The following TSC22D1 variants were observed in gnomAD, a reference collection of about 807,000 sequenced individuals.
TSC22D1 encodes TSC22 domain family protein 1.
In TSC22D1, 9 loss-of-function variants were observed where a neutral mutation model predicts 74.2. The observed-to-expected ratio is 0.12, with a 90% CI of 0.07 to 0.21. The LOEUF is 0.21. TSC22D1 is among the 10% of genes least tolerant of loss of function. The pLI is 1.00. For missense variants in TSC22D1, 1,427 were observed against 1,304.7 expected (o/e 1.09, Z -1.44); for synonymous variants, 586 against 492.5 (o/e 1.19, Z -2.51).
At chr13:44,453,573 A>G (rs777363091) in intron 1 of TSC22D1, among the ~76,000 whole-genome samples, 26 of 152,242 alleles carry the variant, frequency 1.7e-4, no homozygotes, top group Non-Finnish European at 2.9e-4. Context: ...CCAAGGAGAC[A>G]TATGTTTAAC....
intron 1 of TSC22D1, among the ~76,000 whole-genome samples, chr13:44,510,575 G>A (rs1879669960): frequency 6.6e-6 from 1 of 152,064 alleles, no homozygotes; most frequent in African/African-American, 2.4e-5. Context: ...ATAAAGCTCT[G>A]GTACAGCCAT....
chr13:44,454,230 A>AT (rs576012439), intron 1 of TSC22D1, among the ~76,000 whole-genome samples: 58 of 152,192 alleles, frequency 3.8e-4, no homozygotes, highest in Non-Finnish European at 4.4e-4. Context: ...AAGACCAGTT[A>AT]TGTTATATGA....
Position 44,435,890 on chromosome 13 carries a change from C to T in TSC22D1, c.2964+154G>A. 9 of 809,224 alleles carry T rather than the reference C, an allele frequency of 1.1e-5. No individual in the cohort carries two copies. In the South Asian group the frequency reaches 1.4e-4, roughly 12 times the overall value. The allele number at this position is 809,224 out of a possible 1,614,324, so 50.1% of individuals were successfully genotyped here. ...CCTCCACGGCTGCCGTGGTAGGTGG[C>T]TCCACGCTGGCCGAATGGAGACAGC... On this transcript the variant is annotated intron_variant, in intron 2 of 2. Transcript: ENST00000458659.
intron 1 of TSC22D1, chr13:44,436,416 C>G: frequency 2.0e-6 from 3 of 1,483,524 alleles, no homozygotes; most frequent in Admixed American, 2.0e-5. Context: ...CAGCAATGGA[C>G]AAAGGAATTC....
chr13:44,500,029 G>A (rs897305126), intron 1 of TSC22D1, among the ~76,000 whole-genome samples: 2 of 151,272 alleles, frequency 1.3e-5, no homozygotes, highest in African/African-American at 4.9e-5. Flanking sequence ...GGAGGTTGCA[G>A]TGAGCTGAGA....
chr13:44,459,072 G>A (rs181865288), intron 1 of TSC22D1, among the ~76,000 whole-genome samples: 41 of 152,288 alleles, frequency 2.7e-4, no homozygotes, highest in Non-Finnish European at 5.4e-4. Context: ...TGGAGTCCGT[G>A]GGATGGCAGT....
chr13:44,528,145 G>C (rs1251608346), intron 1 of TSC22D1, among the ~76,000 whole-genome samples: 1 of 152,056 alleles, frequency 6.6e-6, no homozygotes. Flanking sequence ...CCAGAAGGCA[G>C]AAAATCGGTA....
intron 1 of TSC22D1, among the ~76,000 whole-genome samples, chr13:44,519,115 G>A (rs1880187180): frequency 6.6e-6 from 1 of 152,140 alleles, no homozygotes; most frequent in Admixed American, 6.5e-5. Context: ...GGGGCTGGGA[G>A]AGGATGTTAT....
At chr13:44,505,867 T>C (rs1420721145) in intron 1 of TSC22D1, among the ~76,000 whole-genome samples, 2 of 152,222 alleles carry the variant, frequency 1.3e-5, no homozygotes, top group African/African-American at 4.8e-5. Flanking sequence ...GAAATCTTTT[T>C]TAACATGTAA....
chr13:44,556,315 G>A (rs1280079136), intron 1 of TSC22D1, among the ~76,000 whole-genome samples: 6 of 151,754 alleles, frequency 4.0e-5, no homozygotes, highest in Non-Finnish European at 8.8e-5. Flanking sequence ...GGGAGGCCAA[G>A]GCAGATGGAT....
intron 1 of TSC22D1, among the ~76,000 whole-genome samples, chr13:44,521,763 G>A (rs76305010): frequency 0.027 from 4,053 of 150,962 alleles, 77 homozygotes; most frequent in Middle Eastern, 0.057. Flanking sequence ...GGAAGAATCC[G>A]AAAGATTTTT....
Position 44,433,895 on chromosome 13 carries a change from G to A in TSC22D1, c.*731C>T, listed in dbSNP as rs1874272444. 1 of 1,322,308 alleles carries A rather than the reference G, an allele frequency of 7.6e-7. No individual in the cohort carries two copies. The highest frequency in any genetic ancestry group is 1.0e-6 in the Non-Finnish European group (1 of 994,106). The allele number at this position is 1,322,308 out of a possible 1,614,324, so 81.9% of individuals were successfully genotyped here. ...GTCCACACCTCCTCAGACAGCCAAT[G>A]AAACAACTAAATTTCAATCTGTACA... is the stretch of plus-strand genomic sequence containing the variant. On this transcript the variant is annotated 3_prime_UTR_variant, in exon 3 of 3. Coordinates refer to ENST00000458659, the MANE Select transcript of TSC22D1 (RefSeq NM_183422.4).
At chr13:44,504,693 G>C (rs1879368763) in intron 1 of TSC22D1, among the ~76,000 whole-genome samples, 1 of 151,248 alleles carries the variant, frequency 6.6e-6, no homozygotes, top group African/African-American at 2.4e-5. Flanking sequence ...TTCATTTCTT[G>C]AAAATCATAA....
intron 1 of TSC22D1, among the ~76,000 whole-genome samples, chr13:44,496,660 G>C (rs1484337943): frequency 1.3e-5 from 2 of 151,918 alleles, no homozygotes; most frequent in African/African-American, 4.8e-5. Flanking sequence ...ATTCCAGCCT[G>C]GGCAACAAAA....
At chr13:44,527,863 A>G (rs924240223) in intron 1 of TSC22D1, among the ~76,000 whole-genome samples, 2 of 152,134 alleles carry the variant, frequency 1.3e-5, no homozygotes, top group African/African-American at 2.4e-5. Context: ...AGGGACAGAT[A>G]TGCTATGCTA....
upstream of TSC22D1, chr13:44,577,226 C>G (rs1884308657): frequency 6.8e-6 from 1 of 146,930 alleles, no homozygotes; most frequent in Non-Finnish European, 1.5e-5. Context: ...GAGTGGGTGC[C>G]GAGGGAGGGT....
rs746391369 is a variant in TSC22D1 at position 44,575,958 on chromosome 13, A to G, written c.117T>C (p.Ser39=). The change falls in exon 1 of 3, where the codon TCT becomes TCC. Residue 39 remains serine, a synonymous_variant. Transcript: ENST00000458659. Reference sequence around the variant, plus strand: ...CGCCGGTACCTGCTGCATTGAGAGCAGAGGCGCTGCCACTACCGCTGCCCC... The same window carrying G: ...CGCCGGTACCTGCTGCATTGAGAGCGGAGGCGCTGCCACTACCGCTGCCCC... The part of the protein sequence containing the change: ...PRRGSGSGSA[S]ALNAAGTGVG... 6.2e-7 allele frequency: 1 copy of G among 1,608,010 alleles called. No homozygotes were observed. The highest frequency in any genetic ancestry group is 2.2e-5 in the East Asian group (1 of 44,674).
At chr13:44,476,078 CCA>C (rs1595104829) in intron 1 of TSC22D1, among the ~76,000 whole-genome samples, 1 of 152,122 alleles carries the variant, frequency 6.6e-6, no homozygotes, top group South Asian at 2.1e-4. Context: ...CACTGGTATC[CCA>C]CATTAGGTGG....
intron 1 of TSC22D1, among the ~76,000 whole-genome samples, chr13:44,571,373 T>C (rs537794949): frequency 6.6e-6 from 1 of 152,292 alleles, no homozygotes; most frequent in Non-Finnish European, 1.5e-5. Context: ...AAAACTCTAG[T>C]TGAAAGTAGC....
Sources: gnomAD v4.1 joint callset for allele counts (sites outside exome capture counted in the v4.1 genomes callset) on GRCh38, gnomAD v4.1.1 for gene constraint, MANE v1.5 for transcripts, NCBI Gene and HGNC (gene_info 2026-07-23, HGNC 2026-07-21) for gene names.